SCRN3: variants seen among roughly 807,000 people sequenced by gnomAD.
SCRN3 encodes the protein secernin-3.
In SCRN3, 39 loss-of-function variants were observed where a neutral mutation model predicts 43.1. The observed-to-expected ratio is 0.91, with a 90% confidence interval of 0.70 to 1.18. The LOEUF is 1.18. Ranked by LOEUF, SCRN3 falls within the 50% of genes most tolerant of loss-of-function variation. SCRN3 has a pLI of 0.00. For synonymous variants in SCRN3, 147 were observed against 163.1 expected, an observed-to-expected ratio of 0.90 and a Z score of 0.75; for missense variants, 484 against 498.0, an observed-to-expected ratio of 0.97 and a Z score of 0.27.
intron 5 of SCRN3, among the ~76,000 whole-genome samples, chr2:174,406,767 A>C (rs2105579606): frequency 7.6e-6 from 1 of 132,356 alleles, no homozygotes; most frequent in East Asian, 2.2e-4. Flanking sequence ...ACATTTATTG[A>C]TTTGCGTATA....
At chr2:174,424,786 G>A in intron 7 of SCRN3, 137 bp downstream of exon 7, 1 of 597,544 alleles carries the variant, frequency 1.7e-6, no homozygotes, top group South Asian at 2.7e-5. Context: ...TCAGACTATA[G>A]TAGAGCTGTA....
At chr2:174,421,675 T>C (rs141577817) in intron 5 of SCRN3, among the ~76,000 whole-genome samples, 15 of 152,324 alleles carry the variant, frequency 9.8e-5, no homozygotes, top group South Asian at 4.1e-4. Flanking sequence ...AGACTTCAGA[T>C]TGTATCATAG....
chr2:174,427,864 A>T lies in SCRN3; in HGVS notation c.1244A>T (p.Gln415Leu), dbSNP rs1230624409. Residue 415 changes from glutamine (Q) to leucine (L), a missense_variant, in exon 8 of 8, where the codon CAG becomes CTG. Gln to Leu is a moderately radical substitution (Grantham distance 113, BLOSUM62 -2). Coordinates refer to ENST00000272732, the MANE Select transcript of SCRN3 (RefSeq NM_024583.5). ...QCTKDEIQIYQSNLSVKVSS is the reference protein window; with the variant it reads ...QCTKDEIQIYLSNLSVKVSS ...ACAAAAGATGAAATTCAAATTTATC[A>T]GTCAAATTTATCAGTCAAAGTTAGT... The T allele has an allele frequency of 1.9e-5, 15 of 805,872 alleles. No homozygotes were observed. The highest frequency in any genetic ancestry group is 2.2e-5 in the Non-Finnish European group (12 of 556,600). The allele number at this position is 805,872 out of a possible 1,614,324, so 49.9% of individuals were successfully genotyped here. A position where few individuals can be genotyped will look rare whatever the true frequency, so the allele number is the denominator to read the frequency against.
intron 5 of SCRN3, among the ~76,000 whole-genome samples, chr2:174,413,252 G>T (rs1685990852): frequency 6.6e-6 from 1 of 152,134 alleles, no homozygotes; most frequent in African/African-American, 2.4e-5. Context: ...GTCCACAAAA[G>T]ATGGCTCAAA....
rs1387999745 is a variant in SCRN3 at position 174,410,063 on chromosome 2, T to G, written c.754+5748T>G. 3 of 163,216 alleles carry G rather than the reference T, an allele frequency of 1.8e-5. No homozygotes were observed. The Middle Eastern group carries it at 8.7e-3, about 472-fold the overall frequency. The allele number at this position is 163,216 out of a possible 1,614,324, so 10.1% of individuals were successfully genotyped here. On this transcript the variant is annotated intron_variant, in intron 5 of 7. Coordinates refer to ENST00000272732, the MANE Select transcript of SCRN3 (RefSeq NM_024583.5). ...GCGGGTGCCCCTCCCCCAGCCTCGC[T>G]GCCGCCTTGCAGTTTGATCTCAGAC...
intron 5 of SCRN3, among the ~76,000 whole-genome samples, chr2:174,413,080 C>T (rs984131360): frequency 1.3e-5 from 2 of 151,660 alleles, no homozygotes; most frequent in African/African-American, 4.8e-5. Context: ...CCATGTTGGT[C>T]AGGCTGGTCT....
At chr2:174,413,084 C>G (rs1359685607) in intron 5 of SCRN3, among the ~76,000 whole-genome samples, 1 of 151,790 alleles carries the variant, frequency 6.6e-6, no homozygotes, top group East Asian at 1.9e-4. Context: ...GTTGGTCAGG[C>G]TGGTCTTGAA....
rs1686544408 is a variant in SCRN3 at position 174,427,865 on chromosome 2, GTCAAATTTA to G, written c.1249_1257del (p.Asn417_Ser419del). On this transcript the variant is annotated inframe_deletion, in exon 8 of 8. Coordinates refer to ENST00000272732, the MANE Select transcript of SCRN3 (RefSeq NM_024583.5). ...CAAAAGATGAAATTCAAATTTATCA[GTCAAATTTA>G]TCAGTCAAAGTTAGTTCTTAGTGAT... is the stretch of plus-strand genomic sequence containing the variant. 1 of 787,618 alleles carries G rather than the reference GTCAAATTTA, an allele frequency of 1.3e-6. No individual in the cohort carries two copies. The allele number at this position is 787,618 out of a possible 1,614,324, so 48.8% of individuals were successfully genotyped here. A position where few individuals can be genotyped will look rare whatever the true frequency, so the allele number is the denominator to read the frequency against.
At chr2:174,414,867 G>A (rs750977472) in intron 5 of SCRN3, among the ~76,000 whole-genome samples, 7 of 150,064 alleles carry the variant, frequency 4.7e-5, no homozygotes, top group Non-Finnish European at 8.9e-5. Flanking sequence ...GGATTCCAGC[G>A]ATTCTCCTGC....
chr2:174,398,264 A>G lies in SCRN3; in HGVS notation c.-9-11A>G, dbSNP rs1384134402. 6.6e-7 allele frequency: 1 copy of G among 1,522,326 alleles called. No homozygotes were observed. The highest frequency in any genetic ancestry group is 1.4e-5 in the African/African-American group (1 of 70,596). The allele number at this position is 1,522,326 out of a possible 1,614,324, so 94.3% of individuals were successfully genotyped here. On this transcript the variant is annotated splice_polypyrimidine_tract_variant and intron_variant, in intron 1 of 7. Transcript: ENST00000272732. ...GTTCTTTTTATTTTAAAACATCTGT[A>G]TAATTTTTAGTTAAAAAAAATGGAA...
At chr2:174,399,232 AT>A (rs1346345052) in intron 2 of SCRN3, among the ~76,000 whole-genome samples, 2 of 152,148 alleles carry the variant, frequency 1.3e-5, no homozygotes, top group East Asian at 1.9e-4. Flanking sequence ...CCTATGCCAT[AT>A]TTTTTTCTTT....
chr2:174,401,461 T>G (rs1685506413), intron 4 of SCRN3, among the ~76,000 whole-genome samples: 1 of 152,204 alleles, frequency 6.6e-6, no homozygotes. Flanking sequence ...CATTTCATAG[T>G]ACTTTTTCAC....
chr2:174,429,775 A>G (rs550737593), downstream of SCRN3, among the ~76,000 whole-genome samples: 9 of 152,174 alleles, frequency 5.9e-5, no homozygotes, highest in South Asian at 1.2e-3. Context: ...TGTTCTGCCT[A>G]TTTATCCCAC....
Position 174,413,159 on chromosome 2 carries a change from A to T in SCRN3, c.754+8844A>T, listed in dbSNP as rs551587739. On this transcript the variant is annotated intron_variant, in intron 5 of 7. Transcript: ENST00000272732. ...AGTGCTGGGATTACGGGCATGAGCC[A>T]CCACACCCGGCCGATAGTGCTCTTT... is the stretch of plus-strand genomic sequence containing the variant. 1.5e-3 allele frequency among the ~76,000 whole-genome samples: 224 copies of T among 152,202 alleles called. 4 individuals are homozygous for T. The highest frequency in any genetic ancestry group is 5.1e-3 in the African/African-American group (211 of 41,532).
intron 5 of SCRN3, among the ~76,000 whole-genome samples, chr2:174,411,572 A>G (rs903365681): frequency 5.3e-5 from 8 of 152,044 alleles, no homozygotes; most frequent in Non-Finnish European, 1.2e-4. Flanking sequence ...CCATTTCTCT[A>G]TTCTTTACTT....
intron 5 of SCRN3, among the ~76,000 whole-genome samples, chr2:174,406,056 C>T (rs1174537283): frequency 7.2e-6 from 1 of 138,508 alleles, no homozygotes; most frequent in African/African-American, 2.5e-5. Flanking sequence ...GGCAGTATGG[C>T]CATTTTCACA....
chr2:174,422,321 C>T (rs538751979), intron 5 of SCRN3, among the ~76,000 whole-genome samples: 1 of 152,066 alleles, frequency 6.6e-6, no homozygotes, highest in African/African-American at 2.4e-5. Context: ...ACCTGTAATC[C>T]CAGCACTTCG....
intron 5 of SCRN3, among the ~76,000 whole-genome samples, chr2:174,411,481 G>A (rs531693050): frequency 5.3e-5 from 8 of 152,134 alleles, no homozygotes; most frequent in African/African-American, 1.4e-4. Flanking sequence ...TTAATCTGCT[G>A]TTAATCTCAT....
chr2:174,404,059 A>G lies in SCRN3; in HGVS notation c.542-44A>G, dbSNP rs748814490. 2.8e-6 allele frequency: 4 copies of G among 1,444,776 alleles called. No individual in the cohort carries two copies. The Admixed American group carries it at 5.2e-5, about 19-fold the overall frequency. The allele number at this position is 1,444,776 out of a possible 1,614,324, so 89.5% of individuals were successfully genotyped here. On this transcript the variant is annotated intron_variant, in intron 4 of 7. Transcript: ENST00000272732. ...TATACAGATACATGCTTTATGTTAA[A>G]TATGACTTTTCTTCTCCTTTCTCCT...
Sources: allele counts gnomAD v4.1 joint callset (sites outside exome capture counted in the v4.1 genomes callset), GRCh38; gene constraint gnomAD v4.1.1; transcripts MANE v1.5; gene names NCBI Gene and HGNC (gene_info 2026-07-23, HGNC 2026-07-21).